Variants in SEC14L5 observed in about 807,000 individuals in gnomAD.
SEC14L5 encodes the protein SEC14-like protein 5.
SEC14L5 carries 96 observed loss-of-function variants against 84.6 expected under a neutral mutation model. That is an observed-to-expected ratio of 1.13 (90% CI 0.96 to 1.34). The LOEUF is 1.34. Ranked by LOEUF, SEC14L5 falls within the 40% of genes most tolerant of loss-of-function variation. The pLI, the probability that SEC14L5 is intolerant of heterozygous loss-of-function variation, is 0.00. For missense variants in SEC14L5, 1,224 were observed against 942.5 expected (o/e 1.30, Z -3.91); for synonymous variants, 546 against 383.4 (o/e 1.42, Z -4.95).
rs1412511221 is a variant in SEC14L5 at position 5,019,065 on chromosome 16, G to C, written c.*4095G>C. The C allele has an allele frequency of 1.3e-5, 2 of 152,238 alleles. No individual in the cohort carries two copies. The highest frequency in any genetic ancestry group is 4.8e-5 in the African/African-American group (2 of 41,452). The allele number at this position is 152,238 out of a possible 1,614,324, so 9.4% of individuals were successfully genotyped here. On this transcript the variant is annotated 3_prime_UTR_variant, in exon 16 of 16. Coordinates refer to ENST00000251170, the MANE Select transcript of SEC14L5 (RefSeq NM_014692.2). ...TGTTGTTTAAAAGACTTTAGAGCTA[G>C]CTTGTTCAGCCTGTGGCCTGCAGGC...
At chr16:4,998,949 G>C (rs907848158) in intron 8 of SEC14L5, among the ~76,000 whole-genome samples, 7 of 152,140 alleles carry the variant, frequency 4.6e-5, no homozygotes, top group African/African-American at 1.7e-4. Context: ...GTCATGCTGA[G>C]ACATATTCAG....
intron 8 of SEC14L5, among the ~76,000 whole-genome samples, chr16:4,997,532 G>C (rs1461785423): frequency 6.6e-6 from 1 of 152,234 alleles, no homozygotes; most frequent in Non-Finnish European, 1.5e-5. Flanking sequence ...TTTGGGGCTT[G>C]AGGAGGAGAC....
At chr16:4,973,866 T>A (rs1359365400) in intron 2 of SEC14L5, among the ~76,000 whole-genome samples, 1 of 151,956 alleles carries the variant, frequency 6.6e-6, no homozygotes, top group African/African-American at 2.4e-5. Context: ...GTATTTTTAG[T>A]AGAGATGGGG....
chr16:4,987,498 G>GGGGC, intron 2 of SEC14L5, 59 bp from the exon 3 acceptor site: 1 of 667,676 alleles, frequency 1.5e-6, no homozygotes, highest in African/African-American at 6.6e-5. Context: ...AGGTCGCGCT[G>GGGGC]GGGGGGGGGG....
At chr16:4,965,165 A>G (rs1254802301) in intron 2 of SEC14L5, among the ~76,000 whole-genome samples, 2 of 152,200 alleles carry the variant, frequency 1.3e-5, no homozygotes, top group East Asian at 3.8e-4. Context: ...TTTAAGGTTC[A>G]TCCACATCTT....
intron 2 of SEC14L5, among the ~76,000 whole-genome samples, chr16:4,976,349 T>C (rs1213871089): frequency 6.6e-6 from 1 of 152,222 alleles, no homozygotes; most frequent in Non-Finnish European, 1.5e-5. Flanking sequence ...GCTATGCTGT[T>C]GTTCATTCAT....
chr16:4,997,747 C>T (rs1382839077), intron 8 of SEC14L5, among the ~76,000 whole-genome samples: 1 of 152,100 alleles, frequency 6.6e-6, no homozygotes, highest in African/African-American at 2.4e-5. Flanking sequence ...GGCCGTGCTC[C>T]CTCTGAAAGT....
chr16:4,966,876 G>A (rs62036175), intron 2 of SEC14L5, among the ~76,000 whole-genome samples: 59,093 of 152,054 alleles, frequency 0.39, 12,202 homozygotes, highest in Non-Finnish European at 0.47. Flanking sequence ...TTACCCCTTC[G>A]GGACCCTGCA....
rs189569637 is a variant in SEC14L5, at chr16:4,988,638, C to T, written c.345+358C>T. On this transcript the variant is annotated intron_variant, in intron 4 of 15. Coordinates refer to ENST00000251170, the MANE Select transcript of SEC14L5 (RefSeq NM_014692.2). ...CCTTCCTTCTTTCATTAAATTATGCCTCAGTTTCCTCACGTGTGAAATGGG... is the reference window on the plus strand; with the variant it reads ...CCTTCCTTCTTTCATTAAATTATGCTTCAGTTTCCTCACGTGTGAAATGGG... Among the ~76,000 whole-genome samples, 6 of 152,218 alleles carry T rather than the reference C, an allele frequency of 3.9e-5. No individual in the cohort carries two copies. The East Asian group carries it at 1.2e-3, about 29-fold the overall frequency.
intron 15 of SEC14L5, among the ~76,000 whole-genome samples, chr16:5,014,410 A>G (rs1955846361): frequency 6.6e-6 from 1 of 152,218 alleles, no homozygotes; most frequent in Non-Finnish European, 1.5e-5. Flanking sequence ...GTTCTCGAGG[A>G]TGGCGCTGCC....
At chr16:4,990,557 A>C (rs1426237045) in intron 4 of SEC14L5, among the ~76,000 whole-genome samples, 13 of 152,228 alleles carry the variant, frequency 8.5e-5, no homozygotes, top group Non-Finnish European at 1.3e-4. Flanking sequence ...CCGGCTTCTC[A>C]TGAGAAGGCT....
At chr16:4,994,920 C>T (rs983281038) in intron 6 of SEC14L5, among the ~76,000 whole-genome samples, 4 of 152,118 alleles carry the variant, frequency 2.6e-5, no homozygotes, top group Non-Finnish European at 5.9e-5. Context: ...TCACATCTGC[C>T]CGGGGCCGGA....
intron 2 of SEC14L5, among the ~76,000 whole-genome samples, chr16:4,979,485 C>T (rs576783978): frequency 2.0e-4 from 30 of 152,282 alleles, no homozygotes; most frequent in South Asian, 8.3e-4. Flanking sequence ...GTGTATGCCT[C>T]GGCTATTGCC....
chr16:4,970,779 A>C (rs1359817876), intron 2 of SEC14L5, among the ~76,000 whole-genome samples: 1 of 152,154 alleles, frequency 6.6e-6, no homozygotes, highest in Admixed American at 6.6e-5. Flanking sequence ...TTCCCAGCCC[A>C]AAAGTACATC....
At chr16:5,007,669 A>T (rs1955747552) in intron 13 of SEC14L5, among the ~76,000 whole-genome samples, 183 bp downstream of exon 13, 1 of 146,376 alleles carries the variant, frequency 6.8e-6, no homozygotes, top group African/African-American at 2.5e-5. Context: ...GCAGTGGTGC[A>T]ATCTTGGCTC....
At chr16:4,970,784 T>G (rs1441901012) in intron 2 of SEC14L5, among the ~76,000 whole-genome samples, 1 of 152,058 alleles carries the variant, frequency 6.6e-6, no homozygotes, top group Non-Finnish European at 1.5e-5. Flanking sequence ...AGCCCAAAAG[T>G]ACATCCAAGT....
intron 2 of SEC14L5, among the ~76,000 whole-genome samples, chr16:4,974,926 T>C (rs2142487075): frequency 6.6e-6 from 1 of 151,750 alleles, no homozygotes; most frequent in South Asian, 2.1e-4. Flanking sequence ...TACAGGTGTG[T>C]GCCACCATGC....
chr16:4,988,042 G>C lies in SEC14L5; in HGVS notation c.214-107G>C, dbSNP rs1955512077. On this transcript the variant is annotated intron_variant, in intron 3 of 15. Coordinates refer to ENST00000251170, the MANE Select transcript of SEC14L5 (RefSeq NM_014692.2). ...GGTGGGCGGTGGCGCAAGGGACCTG[G>C]GACTCAGGGCAGGGGGTGACTGGGG... The C allele has an allele frequency of 4.1e-5, 50 of 1,229,810 alleles. No individual in the cohort carries two copies. The South Asian group carries it at 6.4e-4, about 16-fold the overall frequency. 76.2% of individuals were successfully genotyped at this position (1,229,810 alleles called of 1,614,324 possible).
At chr16:4,997,127 C>G (rs911085871) in intron 8 of SEC14L5, 83 bp downstream of exon 8, 4 of 1,008,836 alleles carry the variant, frequency 4.0e-6, no homozygotes, top group East Asian at 2.9e-5. Context: ...GAGATGGGGT[C>G]TCACTCTGTC....
Sources: gnomAD v4.1 joint callset for allele counts (sites outside exome capture counted in the v4.1 genomes callset) on GRCh38, gnomAD v4.1.1 for gene constraint, MANE v1.5 for transcripts, NCBI Gene and HGNC (gene_info 2026-07-23, HGNC 2026-07-21) for gene names.